The following CELF5 variants were observed in gnomAD, a reference collection of about 807,000 sequenced individuals.
CELF5 encodes the protein CUGBP Elav-like family member 5, also known as CUG-BP and ETR-3 like factor 5.
CELF5 carries 6 observed loss-of-function variants against 54.9 expected under a neutral mutation model. That is an observed-to-expected ratio of 0.11 (90% CI 0.06 to 0.22). The LOEUF is 0.22. CELF5 is among the 10% of genes least tolerant of loss of function. The pLI is 1.00. For missense variants in CELF5, 401 were observed against 678.6 expected (o/e 0.59, Z 4.54); for synonymous variants, 271 against 290.9 (o/e 0.93, Z 0.70).
Position 3,250,835 on chromosome 19 carries a change from TC to T in CELF5, c.260-148del, listed in dbSNP as rs1336141677. ...CTTCCTTTTCTTGGCTGAATAATAT[TC>T]CGTTGCGTGGATGCACCAGGTTGTG... On this transcript the variant is annotated intron_variant, in intron 1 of 12. Coordinates refer to ENST00000292672, the MANE Select transcript of CELF5 (RefSeq NM_021938.4). 3 of 619,492 alleles carry T rather than the reference TC, an allele frequency of 4.8e-6. No individual in the cohort carries two copies. In the East Asian group the frequency reaches 8.1e-5, roughly 17 times the overall value. 38.4% of individuals were successfully genotyped at this position (619,492 alleles called of 1,614,324 possible). A position where few individuals can be genotyped will look rare whatever the true frequency, so the allele number is the denominator to read the frequency against.
rs34182547 is a variant in CELF5, at chr19:3,297,016, GAAAAAAAAAAA to G, written c.*310_*320del. ...TCAAAACGCCTCTCTTTGGTCTGGA[GAAAAAAAAAAA>G]AAAAAAAAAACAACTAAAAATTTAT... is the stretch of plus-strand genomic sequence containing the variant. On this transcript the variant is annotated 3_prime_UTR_variant, in exon 13 of 13. Transcript: ENST00000292672. The G allele has an allele frequency of 2.0e-5, 2 of 100,890 alleles. No homozygotes were observed. Among genetic ancestry groups the G allele is most frequent in the South Asian group, 7.9e-4 (2 of 2,522 alleles). The allele number at this position is 100,890 out of a possible 1,614,324, so 6.2% of individuals were successfully genotyped here.
chr19:3,229,953 C>T (rs1440237853), intron 1 of CELF5, among the ~76,000 whole-genome samples: 6 of 152,102 alleles, frequency 3.9e-5, no homozygotes, highest in East Asian at 1.9e-4. Context: ...GAGGCTCTTC[C>T]GAGGGGTCTT....
intron 1 of CELF5, among the ~76,000 whole-genome samples, chr19:3,249,142 G>A (rs2079612898): frequency 6.6e-6 from 1 of 151,838 alleles, no homozygotes; most frequent in African/African-American, 2.4e-5. Context: ...GTGGAGCTCC[G>A]TACAGCGTGT....
intron 2 of CELF5, among the ~76,000 whole-genome samples, chr19:3,265,921 C>G (rs936903454): frequency 6.6e-6 from 1 of 152,034 alleles, no homozygotes; most frequent in African/African-American, 2.4e-5. Flanking sequence ...ATTCTCTTGC[C>G]TCAGCCTCCC....
chr19:3,288,215 G>A (rs938555239), intron 10 of CELF5, among the ~76,000 whole-genome samples: 7 of 152,136 alleles, frequency 4.6e-5, no homozygotes, highest in African/African-American at 1.7e-4. Flanking sequence ...CATTGGAACA[G>A]ACTTACATTT....
At chr19:3,289,568 G>T (rs983246971) in intron 10 of CELF5, among the ~76,000 whole-genome samples, 1 of 151,276 alleles carries the variant, frequency 6.6e-6, no homozygotes, top group Non-Finnish European at 1.5e-5. Flanking sequence ...TGTAGTCCCA[G>T]CTACTTGGGA....
Position 3,282,387 on chromosome 19 carries a change from G to T in CELF5, c.928G>T (p.Val310Leu). The change falls in exon 8 of 13, where the codon GTG becomes TTG. Residue 310 changes from valine (V) to leucine (L), a missense_variant. Physicochemically the swap from Val to Leu is conservative, Grantham distance 32. Around this residue, in one of 6 missense-constraint regions of CELF5, gnomAD observed 143 missense variants for 147.6 expected, o/e 0.97. Transcript: ENST00000292672. This position sits in a 1 kb window ranked among gnomAD's most constrained non-coding sequence, Gnocchi z 5.2. ...ACCCCCGCTGCTGGGCACCACCGCT[G>T]TGCCTGGCCTCGTGGCTCCCATCAC... Reference protein sequence around the residue: ...HSPPLLGTTAVPGLVAPITNG... With the variant: ...HSPPLLGTTALPGLVAPITNG... 1 of 1,611,614 alleles carries T rather than the reference G, an allele frequency of 6.2e-7. No homozygotes were observed.
Position 3,275,824 on chromosome 19 carries a change from G to A in CELF5, c.395-32G>A. 1 of 1,587,550 alleles carries A rather than the reference G, an allele frequency of 6.3e-7. No individual in the cohort carries two copies. The highest frequency in any genetic ancestry group is 8.6e-7 in the Non-Finnish European group (1 of 1,161,138). The stretch of plus-strand genomic sequence containing the variant: ...CCCGGAGGCCCTCCCGGAGGCCGGG[G>A]ACTCGGCTGAGGTGGGTGTCGCCGC... On this transcript the variant is annotated intron_variant, in intron 3 of 12. Coordinates refer to ENST00000292672, the MANE Select transcript of CELF5 (RefSeq NM_021938.4). The surrounding 1 kb of genome is among the most constrained non-coding windows in gnomAD (Gnocchi z 6.7).
chr19:3,272,667 C>T (rs909353488), intron 2 of CELF5, among the ~76,000 whole-genome samples: 3 of 152,270 alleles, frequency 2.0e-5, no homozygotes, highest in Non-Finnish European at 2.9e-5. Flanking sequence ...GGGGAGATGC[C>T]GTGGTTCCCT....
chr19:3,251,227 G>T (rs1599416100), intron 2 of CELF5, among the ~76,000 whole-genome samples, 160 bp downstream of exon 2: 2 of 152,302 alleles, frequency 1.3e-5, no homozygotes, highest in East Asian at 3.9e-4. Flanking sequence ...ATAATAGTGT[G>T]CATTTATTGA....
intron 2 of CELF5, among the ~76,000 whole-genome samples, chr19:3,251,470 T>G (rs1403734198): frequency 1.3e-5 from 2 of 150,118 alleles, no homozygotes; most frequent in Non-Finnish European, 3.0e-5. Context: ...TGGAACAGAG[T>G]GAGGAGGTGG....
chr19:3,294,421 T>C (rs62127989), intron 12 of CELF5: 1 of 138,406 alleles, frequency 7.2e-6, no homozygotes, highest in South Asian at 2.3e-4. Context: ...TTTTTTTTTT[T>C]AAATCACCAT....
intron 2 of CELF5, among the ~76,000 whole-genome samples, chr19:3,273,064 C>T (rs2079992224): frequency 1.3e-5 from 2 of 152,112 alleles, no homozygotes; most frequent in South Asian, 4.2e-4. Context: ...GGTATGTCCC[C>T]ACCCAAAGCT....
intron 10 of CELF5, among the ~76,000 whole-genome samples, chr19:3,288,009 T>G (rs1194276192): frequency 1.3e-5 from 2 of 152,108 alleles, no homozygotes; most frequent in Non-Finnish European, 2.9e-5. Flanking sequence ...ACAGATAGCA[T>G]GACCCCGGAT....
chr19:3,271,168 A>C (rs889852470), intron 2 of CELF5, among the ~76,000 whole-genome samples: 3 of 12,400 alleles, frequency 2.4e-4, no homozygotes, highest in Middle Eastern at 0.029. Flanking sequence ...AGGGGGGAGG[A>C]GGTGAGGGCC....
chr19:3,270,635 T>G, intron 2 of CELF5: 1 of 146,410 alleles, frequency 6.8e-6, no homozygotes. Context: ...CGGCGGCACG[T>G]GGATGCCAGC....
Position 3,275,775 on chromosome 19 carries a change from A to G in CELF5, c.395-81A>G. 6.9e-7 allele frequency: 1 copy of G among 1,456,342 alleles called. No individual in the cohort carries two copies. Among genetic ancestry groups the G allele is most frequent in the Non-Finnish European group, 9.2e-7 (1 of 1,084,188 alleles). 90.2% of individuals were successfully genotyped at this position (1,456,342 alleles called of 1,614,324 possible). ...CGCGTCTTCCTGCCCTGCCGCCTCC[A>G]CTCTGCTGGAGGGAGGGAGGAATCC... On this transcript the variant is annotated intron_variant, in intron 3 of 12. Transcript: ENST00000292672. This position sits in a 1 kb window ranked among gnomAD's most constrained non-coding sequence, Gnocchi z 6.7.
At position 3,265,238 on chromosome 19, in the gene CELF5, T is replaced by C. The variant is rs1486769634; in HGVS notation, c.343-8634T>C. On this transcript the variant is annotated intron_variant, in intron 2 of 12. Coordinates refer to ENST00000292672, the MANE Select transcript of CELF5 (RefSeq NM_021938.4). Reference sequence around the variant, plus strand: ...CTGGCGTCCTAGCTATTGAGGAGGCTGAGGTGGGAGGAGCATTTGAGCCCA... The same window carrying C: ...CTGGCGTCCTAGCTATTGAGGAGGCCGAGGTGGGAGGAGCATTTGAGCCCA... 2.6e-5 allele frequency among the ~76,000 whole-genome samples: 4 copies of C among 152,066 alleles called. No individual in the cohort carries two copies. In the East Asian group the frequency reaches 7.7e-4, roughly 29 times the overall value.
chr19:3,289,643 C>A (rs2080309472), intron 10 of CELF5, among the ~76,000 whole-genome samples: 1 of 127,156 alleles, frequency 7.9e-6, no homozygotes, highest in African/African-American at 3.1e-5. Context: ...GATCGCACCA[C>A]TGCACTCCAG....
Sources: gnomAD v4.1 joint callset for allele counts (sites outside exome capture counted in the v4.1 genomes callset) on GRCh38, gnomAD v4.1.1 for gene constraint, gnomAD v4.1.1 regional missense constraint, Gnocchi (gnomAD v3.1) non-coding constraint, MANE v1.5 for transcripts, NCBI Gene and HGNC (gene_info 2026-07-23, HGNC 2026-07-21) for gene names.